STK35: variants seen among roughly 807,000 people sequenced by gnomAD.
The protein encoded by STK35 is serine/threonine-protein kinase 35.
Under a neutral mutation model 37.3 loss-of-function variants are expected in STK35, and 17 were observed. The ratio of observed to expected loss-of-function variants is 0.46; its 90% CI spans 0.31 to 0.68. The LOEUF (loss-of-function observed/expected upper bound fraction) is 0.68. Ranked by LOEUF, STK35 falls within the 30% of genes least tolerant of loss-of-function variation. The pLI is 0.05. For missense variants in STK35, 595 were observed against 746.7 expected (o/e 0.80, Z 2.37); for synonymous variants, 385 against 319.1 (o/e 1.21, Z -2.20).
At position 2,148,397 on chromosome 20, in the gene STK35, C is replaced by T. The variant is rs1396511905; in HGVS notation, c.*4651C>T. On this transcript the variant is annotated 3_prime_UTR_variant, in exon 4 of 4. Coordinates refer to ENST00000381482, the MANE Select transcript of STK35 (RefSeq NM_080836.4). ...CAACTTTATATGAATATTTTTTGTA[C>T]TTGGTTTACTTGGGTTGGTATGATA... 1 of 152,532 alleles carries T rather than the reference C, an allele frequency of 6.6e-6. No individual in the cohort carries two copies. The highest frequency in any genetic ancestry group is 2.4e-5 in the African/African-American group (1 of 41,408). 9.4% of individuals were successfully genotyped at this position (152,532 alleles called of 1,614,324 possible).
chr20:2,146,314 C>T lies in STK35; in HGVS notation c.*2568C>T, dbSNP rs1986266616. On this transcript the variant is annotated 3_prime_UTR_variant, in exon 4 of 4. Coordinates refer to ENST00000381482, the MANE Select transcript of STK35 (RefSeq NM_080836.4). ...CTGTCCCCTTGTGGACCAGCTTCCA[C>T]TCACTGTCACGTCCCCCCTCCTGCG... 1 of 152,916 alleles carries T rather than the reference C, an allele frequency of 6.5e-6. No individual in the cohort carries two copies. The highest frequency in any genetic ancestry group is 2.4e-5 in the African/African-American group (1 of 41,486). The allele number at this position is 152,916 out of a possible 1,614,324, so 9.5% of individuals were successfully genotyped here. A position where few individuals can be genotyped will look rare whatever the true frequency, so the allele number is the denominator to read the frequency against.
At position 2,147,980 on chromosome 20, in the gene STK35, C is replaced by T. The variant is rs1358294350; in HGVS notation, c.*4234C>T. The T allele has an allele frequency of 6.6e-6, 1 of 152,174 alleles. No individual in the cohort carries two copies. The highest frequency in any genetic ancestry group is 1.5e-5 in the Non-Finnish European group (1 of 68,084). 9.4% of individuals were successfully genotyped at this position (152,174 alleles called of 1,614,324 possible). On this transcript the variant is annotated 3_prime_UTR_variant, in exon 4 of 4. Coordinates refer to ENST00000381482, the MANE Select transcript of STK35 (RefSeq NM_080836.4). ...AGGGGCTTCTGTCTGGAGAAATGCC[C>T]TCAAAGGGTAACCAGTAGGTGTGGC...
At chr20:2,133,724 G>A (rs1227755698) in intron 3 of STK35, among the ~76,000 whole-genome samples, 1 of 152,170 alleles carries the variant, frequency 6.6e-6, no homozygotes, top group East Asian at 1.9e-4. Flanking sequence ...GTTTCTCTGT[G>A]TGCATTTGGC....
chr20:2,137,535 T>C (rs535259100), intron 3 of STK35, among the ~76,000 whole-genome samples: 1 of 152,358 alleles, frequency 6.6e-6, no homozygotes, highest in East Asian at 1.9e-4. Flanking sequence ...GTATAATCTC[T>C]GCCCTCTTGC....
At chr20:2,123,626 G>C (rs1026096686) in intron 3 of STK35, among the ~76,000 whole-genome samples, 1 of 152,198 alleles carries the variant, frequency 6.6e-6, no homozygotes. Context: ...TAGCTACCAA[G>C]TTAATCAGCA....
chr20:2,112,555 G>T (rs1267695489), intron 2 of STK35, among the ~76,000 whole-genome samples: 1 of 152,118 alleles, frequency 6.6e-6, no homozygotes, highest in South Asian at 2.1e-4. Flanking sequence ...CTGGGGGGAG[G>T]ACTTGCTGTG....
At chr20:2,126,511 AGG>A (rs1200498657) in intron 3 of STK35, among the ~76,000 whole-genome samples, 3 of 152,144 alleles carry the variant, frequency 2.0e-5, no homozygotes, top group African/African-American at 7.2e-5. Context: ...ACAGGAGGAA[AGG>A]GTACTACTGT....
At chr20:2,128,531 G>A (rs6137064) in intron 3 of STK35, among the ~76,000 whole-genome samples, 1 of 152,084 alleles carries the variant, frequency 6.6e-6, no homozygotes, top group Non-Finnish European at 1.5e-5. Context: ...ACTGACTCCC[G>A]CTCAGGCTCT....
chr20:2,112,562 T>C (rs2122548162), intron 2 of STK35, among the ~76,000 whole-genome samples: 1 of 152,296 alleles, frequency 6.6e-6, no homozygotes, highest in Admixed American at 6.5e-5. Context: ...GAGGACTTGC[T>C]GTGGGGGTTC....
chr20:2,126,147 T>C (rs1985901655), intron 3 of STK35, among the ~76,000 whole-genome samples: 1 of 152,222 alleles, frequency 6.6e-6, no homozygotes. Context: ...CCGTCACTCA[T>C]GCTTACTCCA....
At chr20:2,127,969 A>T (rs566262240) in intron 3 of STK35, among the ~76,000 whole-genome samples, 4 of 152,160 alleles carry the variant, frequency 2.6e-5, no homozygotes, top group African/African-American at 4.8e-5. Context: ...GATATCTTCA[A>T]CCCCTTGTGT....
chr20:2,136,249 T>C (rs1376889266), intron 3 of STK35, among the ~76,000 whole-genome samples: 1 of 152,196 alleles, frequency 6.6e-6, no homozygotes, highest in African/African-American at 2.4e-5. Context: ...GTAAGGGGAA[T>C]AGTAGCAGAG....
intron 3 of STK35, among the ~76,000 whole-genome samples, chr20:2,136,862 C>T (rs908728349): frequency 5.3e-5 from 8 of 152,188 alleles, no homozygotes; most frequent in Admixed American, 3.3e-4. Context: ...TTTCACTGGG[C>T]AGGGGGACAG....
At chr20:2,123,149 C>T (rs980939759) in intron 3 of STK35, among the ~76,000 whole-genome samples, 1 of 152,142 alleles carries the variant, frequency 6.6e-6, no homozygotes, top group African/African-American at 2.4e-5. Flanking sequence ...ACCTCCGTTA[C>T]TAGGGCCTTT....
intron 2 of STK35, among the ~76,000 whole-genome samples, chr20:2,113,246 G>A (rs892745142): frequency 6.6e-6 from 1 of 152,182 alleles, no homozygotes; most frequent in East Asian, 1.9e-4. Context: ...CTAGTCCCCC[G>A]ACCTCAAAAC....
intron 3 of STK35, among the ~76,000 whole-genome samples, chr20:2,141,671 G>A (rs1317505623): frequency 6.6e-6 from 1 of 152,218 alleles, no homozygotes; most frequent in Non-Finnish European, 1.5e-5. Context: ...AGCACAACAT[G>A]TTGGTGTATT....
At chr20:2,121,410 ATCACT>A (rs1985814521) in intron 3 of STK35, among the ~76,000 whole-genome samples, 1 of 152,216 alleles carries the variant, frequency 6.6e-6, no homozygotes, top group South Asian at 2.1e-4. Flanking sequence ...GGAATTAATC[ATCACT>A]TCAAGGTGTC....
chr20:2,125,974 C>T lies in STK35; in HGVS notation c.*37+8559C>T, dbSNP rs148931961. Among the ~76,000 whole-genome samples the T allele has an allele frequency of 2.1e-3, 320 of 152,328 alleles. 2 individuals carry two copies. Among genetic ancestry groups the T allele is most frequent in the African/African-American group, 7.3e-3 (302 of 41,582 alleles). On this transcript the variant is annotated intron_variant, in intron 3 of 3. Coordinates refer to ENST00000381482, the MANE Select transcript of STK35 (RefSeq NM_080836.4). ...AAAGGGCTCCAATAAGAGCCAAAGG[C>T]ATCATACGTGTCTGTGGTCCTGGTG...
intron 2 of STK35, among the ~76,000 whole-genome samples, chr20:2,105,923 C>G (rs901209987): frequency 1.3e-5 from 2 of 152,148 alleles, no homozygotes; most frequent in Non-Finnish European, 2.9e-5. Context: ...TGCTTTAGGC[C>G]GTACACTGGA....
Sources: allele counts gnomAD v4.1 joint callset (sites outside exome capture counted in the v4.1 genomes callset), GRCh38; gene constraint gnomAD v4.1.1; transcripts MANE v1.5; gene names NCBI Gene and HGNC (gene_info 2026-07-23, HGNC 2026-07-21).